The following HUNK variants were observed in gnomAD, a reference collection of about 807,000 sequenced individuals.
HUNK encodes the protein hormonally up-regulated Neu-associated kinase.
Under a neutral mutation model 61.0 loss-of-function variants are expected in HUNK, and 21 were observed. The ratio of observed to expected loss-of-function variants is 0.34; its 90% CI spans 0.24 to 0.50. HUNK has a LOEUF of 0.50. Among genes scored for constraint, HUNK ranks in the 20% least tolerant of loss-of-function variants. The probability of loss-of-function intolerance (pLI) is 0.98; values close to 1 mark genes in which losing one functional copy is unlikely to be tolerated. For synonymous variants in HUNK, 371 were observed against 386.1 expected (o/e 0.96, Z 0.46); for missense variants, 772 against 945.7 (o/e 0.82, Z 2.41).
intron 5 of HUNK, 73 bp from the exon 6 acceptor site, chr21:31,968,175 CCT>C (rs2052980879): frequency 6.3e-7 from 1 of 1,584,532 alleles, no homozygotes; most frequent in African/African-American, 1.3e-5. Context: ...TGGCGAGTCC[CCT>C]GTGATGGTGG....
At chr21:31,935,092 T>TC (rs1311486605) in intron 2 of HUNK, among the ~76,000 whole-genome samples, 3 of 152,196 alleles carry the variant, frequency 2.0e-5, no homozygotes, top group African/African-American at 7.2e-5. Context: ...TCTGGGTTGC[T>TC]CACTGTTCTG....
chr21:31,979,512 ATTCTTTTTTTTTTT>A (rs2053077889), intron 7 of HUNK, among the ~76,000 whole-genome samples: 1 of 99,508 alleles, frequency 1.0e-5, no homozygotes. Flanking sequence ...AGTTGTTTGC[ATTCTTTTTTTTTTT>A]TTTTTTTTTT....
At chr21:31,886,315 G>A (rs1223640566) in intron 1 of HUNK, among the ~76,000 whole-genome samples, 2 of 151,852 alleles carry the variant, frequency 1.3e-5, no homozygotes, top group Admixed American at 6.6e-5. Flanking sequence ...CCAGCTACTC[G>A]GGAAGCTGAG....
rs1334800403 is a variant in HUNK, at chr21:31,924,400, G to A, written c.262-68G>A. ...TAGCTAGCATTTTTCTTGGGTTCCTGTGAGTAGCCAAGGCATCGCTATTGT... is the reference window on the plus strand; with the variant it reads ...TAGCTAGCATTTTTCTTGGGTTCCTATGAGTAGCCAAGGCATCGCTATTGT... On this transcript the variant is annotated intron_variant, in intron 1 of 10. Coordinates refer to ENST00000270112, the MANE Select transcript of HUNK (RefSeq NM_014586.2). This position sits in a 1 kb window ranked among gnomAD's most constrained non-coding sequence, Gnocchi z 5.1. The A allele has an allele frequency of 2.0e-6, 3 of 1,470,496 alleles. No individual in the cohort carries two copies. Among genetic ancestry groups the A allele is most frequent in the African/African-American group, 2.8e-5 (2 of 71,030 alleles). 91.1% of individuals were successfully genotyped at this position (1,470,496 alleles called of 1,614,324 possible).
chr21:31,892,164 T>A (rs553539703), intron 1 of HUNK, among the ~76,000 whole-genome samples: 1,399 of 90,888 alleles, frequency 0.015, 6 homozygotes, highest in Middle Eastern at 0.024. Flanking sequence ...AAAAAAAAAA[T>A]ATATATATAT....
At chr21:31,969,101 T>C (rs952584851) in intron 6 of HUNK, among the ~76,000 whole-genome samples, 1 of 152,006 alleles carries the variant, frequency 6.6e-6, no homozygotes, top group Non-Finnish European at 1.5e-5. Flanking sequence ...GGTCTTGAAC[T>C]CCTGACCTCA....
chr21:31,961,848 G>T (rs1012429097), intron 5 of HUNK, among the ~76,000 whole-genome samples: 5 of 148,062 alleles, frequency 3.4e-5, no homozygotes, highest in Non-Finnish European at 6.1e-5. Flanking sequence ...AGCCTGAGGA[G>T]CTGGAGAACT....
chr21:31,875,400 G>A (rs1232735756), intron 1 of HUNK, among the ~76,000 whole-genome samples: 1 of 152,188 alleles, frequency 6.6e-6, no homozygotes, highest in Non-Finnish European at 1.5e-5. Flanking sequence ...GCTTTATTAT[G>A]GGTATGTGGG....
At chr21:31,946,206 C>T in intron 4 of HUNK, 35 bp downstream of exon 4, 1 of 1,593,808 alleles carries the variant, frequency 6.3e-7, no homozygotes, top group Non-Finnish European at 8.6e-7. Flanking sequence ...CAGTGTTCCT[C>T]CTGCTGTCTC....
At chr21:31,998,338 C>T (rs139811898) in intron 10 of HUNK, among the ~76,000 whole-genome samples, 188 bp from the exon 11 acceptor site, 164 of 152,292 alleles carry the variant, frequency 1.1e-3, no homozygotes, top group African/African-American at 3.7e-3. Flanking sequence ...GAAGACTGCC[C>T]GACCTCTGTG....
chr21:31,945,669 CT>C (rs2052797376), intron 3 of HUNK, among the ~76,000 whole-genome samples: 1 of 152,156 alleles, frequency 6.6e-6, no homozygotes, highest in African/African-American at 2.4e-5. Flanking sequence ...CTCAAATCCC[CT>C]CTGCTTGTTC....
chr21:31,929,421 T>G (rs1011948943), intron 2 of HUNK, among the ~76,000 whole-genome samples: 3 of 152,204 alleles, frequency 2.0e-5, no homozygotes, highest in Non-Finnish European at 2.9e-5. Context: ...TAGAATTGTC[T>G]AAGCTTCTCT....
Position 32,000,120 on chromosome 21 carries a change from G to T in HUNK, c.*936G>T, listed in dbSNP as rs1297242070. 2 of 398,600 alleles carry T rather than the reference G, an allele frequency of 5.0e-6. No individual in the cohort carries two copies. Among genetic ancestry groups the T allele is most frequent in the Non-Finnish European group, 8.8e-6 (2 of 226,088 alleles). The allele number at this position is 398,600 out of a possible 1,614,324, so 24.7% of individuals were successfully genotyped here. On this transcript the variant is annotated 3_prime_UTR_variant, in exon 11 of 11. Coordinates refer to ENST00000270112, the MANE Select transcript of HUNK (RefSeq NM_014586.2). ...ATCCTTCTGGAAGGCATAGAACACG[G>T]TTACAGCTGGTTCTGTAGAAAGAGG... is the stretch of plus-strand genomic sequence containing the variant.
intron 3 of HUNK, among the ~76,000 whole-genome samples, chr21:31,944,134 C>G (rs1023614776): frequency 2.0e-5 from 3 of 152,250 alleles, no homozygotes; most frequent in African/African-American, 7.2e-5. Flanking sequence ...GGCTGGAGTG[C>G]AGTGGCGCAG....
At chr21:31,991,499 A>C (rs1449341427) in intron 9 of HUNK, among the ~76,000 whole-genome samples, 2 of 152,192 alleles carry the variant, frequency 1.3e-5, no homozygotes, top group African/African-American at 4.8e-5. Flanking sequence ...GATTACAAGC[A>C]TGAGCCACTG....
intron 1 of HUNK, among the ~76,000 whole-genome samples, chr21:31,875,563 G>A (rs569896404): frequency 5.3e-5 from 8 of 152,122 alleles, no homozygotes; most frequent in South Asian, 2.1e-4. Context: ...TACACTCCTC[G>A]ATTCGATTCG....
At chr21:31,913,454 G>A (rs2052559628) in intron 1 of HUNK, among the ~76,000 whole-genome samples, 1 of 152,042 alleles carries the variant, frequency 6.6e-6, no homozygotes, top group Non-Finnish European at 1.5e-5. Context: ...AGGTGGAGGT[G>A]ACAGACTCTT....
At chr21:31,901,607 A>G (rs79177144) in intron 1 of HUNK, among the ~76,000 whole-genome samples, 3 of 152,190 alleles carry the variant, frequency 2.0e-5, no homozygotes, top group African/African-American at 4.8e-5. Context: ...GTATTTAGCT[A>G]ATGTTTAAAC....
intron 10 of HUNK, among the ~76,000 whole-genome samples, chr21:31,998,251 G>A (rs2053219754): frequency 6.6e-6 from 1 of 152,206 alleles, no homozygotes; most frequent in South Asian, 2.1e-4. Context: ...AAGCAGGGAC[G>A]ATGTTAGGCT....
Sources: gnomAD v4.1 joint callset for allele counts (sites outside exome capture counted in the v4.1 genomes callset) on GRCh38, gnomAD v4.1.1 for gene constraint, Gnocchi (gnomAD v3.1) non-coding constraint, MANE v1.5 for transcripts, NCBI Gene and HGNC (gene_info 2026-07-23, HGNC 2026-07-21) for gene names.